The following KRT83 variants were observed in gnomAD, a reference collection of about 807,000 sequenced individuals.
The protein encoded by KRT83 is keratin, type II cuticular Hb3.
In KRT83, 51 loss-of-function variants were observed where a neutral mutation model predicts 52.9. The ratio of observed to expected loss-of-function variants is 0.96; its 90% CI spans 0.77 to 1.22. The LOEUF (loss-of-function observed/expected upper bound fraction) is 1.22, where lower values mean the gene tolerates loss of function less well. KRT83 is among the 50% of genes most tolerant of loss of function. The probability of loss-of-function intolerance (pLI) is 0.00; values close to 1 mark genes in which losing one functional copy is unlikely to be tolerated. For missense variants in KRT83, 654 were observed against 666.5 expected, an observed-to-expected ratio of 0.98 and a Z score of 0.21; for synonymous variants, 278 against 274.1, an observed-to-expected ratio of 1.01 and a Z score of -0.14.
In KRT83 at chr12:52,317,967, A is replaced by G. The variant is rs1429925433; in HGVS notation, c.597T>C (p.Tyr199=). The part of the protein sequence containing the change: ...QEVLEGYKKK[Y]EEEVALRATA... ...TGGCTCGAAGTGCTACTTCTTCTTC[A>G]TACCTGAGGTGAGCAGGGAGAACAG... is the stretch of plus-strand genomic sequence containing the variant. The change falls in exon 3 of 9, where the codon TAT becomes TAC. Residue 199 remains tyrosine, a synonymous_variant. Transcript: ENST00000293670. 3 of 1,613,682 alleles carry G rather than the reference A, an allele frequency of 1.9e-6. No homozygotes were observed. Among genetic ancestry groups the G allele is most frequent in the Non-Finnish European group, 2.5e-6 (3 of 1,179,880 alleles).
intron 3 of KRT83, 29 bp from the exon 4 acceptor site, chr12:52,317,805 C>A (rs781352531): frequency 6.2e-7 from 1 of 1,613,288 alleles, no homozygotes; most frequent in East Asian, 2.2e-5. Context: ...GCTGTGAGGC[C>A]GGCTTTCCTC....
At position 52,321,115 on chromosome 12, in the gene KRT83, C is replaced by A. The variant is rs773139403; in HGVS notation, c.221G>T (p.Gly74Val). ...CGRSFGYRSG[G>V]VCGPSPPCIT... Reference sequence around the variant, plus strand: ...GCATGGGGGGCTGGGTCCGCACACGCCCCCGGAGCGGTAGCCGAAGCTGCG... The same window carrying A: ...GCATGGGGGGCTGGGTCCGCACACGACCCCGGAGCGGTAGCCGAAGCTGCG... The change falls in exon 1 of 9, where the codon GGC becomes GTC. Residue 74 changes from glycine (G) to valine (V), a missense_variant. By Grantham distance (109) the Gly-to-Val change is moderately radical. Transcript: ENST00000293670. 4.3e-6 allele frequency: 7 copies of A among 1,612,334 alleles called. No homozygotes were observed. The highest frequency in any genetic ancestry group is 2.2e-5 in the South Asian group (2 of 91,004).
chr12:52,314,470 G>A lies in KRT83; in HGVS notation c.*161C>T. The A allele has an allele frequency of 1.4e-6, 1 of 718,434 alleles. No homozygotes were observed. Among genetic ancestry groups the A allele is most frequent in the Non-Finnish European group, 2.5e-6 (1 of 405,892 alleles). The allele number at this position is 718,434 out of a possible 1,614,324, so 44.5% of individuals were successfully genotyped here. On this transcript the variant is annotated 3_prime_UTR_variant, in exon 9 of 9. Coordinates refer to ENST00000293670, the MANE Select transcript of KRT83 (RefSeq NM_002282.3). ...CCCCAGCCACAGGCCCCTTTCCAGT[G>A]GGATGAAAGGTGGGGAGGAGCCGCT...
In KRT83 at chr12:52,316,667, AC is replaced by A. The variant is rs1938693115; in HGVS notation, c.916-75del. The stretch of plus-strand genomic sequence containing the variant: ...CATTCAGGACAGCTCAGATGATTGC[AC>A]AGATTGTGCAGTGCTCGGCCTGTGC... On this transcript the variant is annotated intron_variant, in intron 5 of 8. Coordinates refer to ENST00000293670, the MANE Select transcript of KRT83 (RefSeq NM_002282.3). 3.7e-6 allele frequency: 6 copies of A among 1,612,386 alleles called. No individual in the cohort carries two copies. In the East Asian group the frequency reaches 1.3e-4, roughly 36 times the overall value.
intron 2 of KRT83, 123 bp from the exon 3 acceptor site, chr12:52,318,093 G>T (rs539160604): frequency 5.6e-6 from 5 of 899,106 alleles, no homozygotes; most frequent in South Asian, 4.0e-5. Flanking sequence ...CAAGTGAAAT[G>T]GGTGGGGCTC....
intron 1 of KRT83, among the ~76,000 whole-genome samples, chr12:52,320,472 AG>A (rs1227568289): frequency 1.3e-5 from 2 of 152,206 alleles, no homozygotes; most frequent in Non-Finnish European, 2.9e-5. Flanking sequence ...CCTGAGCCCC[AG>A]GAACAGTGGC....
chr12:52,319,282 A>C lies in KRT83; in HGVS notation c.467T>G (p.Leu156Arg). The C allele has an allele frequency of 6.2e-7, 1 of 1,614,050 alleles. No homozygotes were observed. Among genetic ancestry groups the C allele is most frequent in the Non-Finnish European group, 8.5e-7 (1 of 1,179,938 alleles). The change falls in exon 2 of 9, where the codon CTG becomes CGG. Residue 156 changes from leucine (L) to arginine (R), a missense_variant. Transcript: ENST00000293670. ...GATGTAGCCAGCAAACAGGGGCTCC[A>C]GGTTACTCTGGCAGCACTCGCGGTT... is the stretch of plus-strand genomic sequence containing the variant. Reference protein sequence around the residue: ...YQNRECCQSNLEPLFAGYIET... With the variant: ...YQNRECCQSNREPLFAGYIET...
intron 5 of KRT83, 76 bp downstream of exon 5, chr12:52,316,783 A>C: frequency 6.2e-7 from 1 of 1,611,090 alleles, no homozygotes; most frequent in Non-Finnish European, 8.5e-7. Flanking sequence ...TCCCTAGACA[A>C]AGAAGCCTTT....
chr12:52,314,518 A>T lies in KRT83; in HGVS notation c.*113T>A. The T allele has an allele frequency of 2.0e-6, 2 of 986,172 alleles. No individual in the cohort carries two copies. Among genetic ancestry groups the T allele is most frequent in the Non-Finnish European group, 3.2e-6 (2 of 634,284 alleles). The allele number at this position is 986,172 out of a possible 1,614,324, so 61.1% of individuals were successfully genotyped here. Reference sequence around the variant, plus strand: ...GCTGGTGGGAATGAGCCGATGGTGTATTCTCAGAACACAAGGGGAAAAGCC... The same window carrying T: ...GCTGGTGGGAATGAGCCGATGGTGTTTTCTCAGAACACAAGGGGAAAAGCC... On this transcript the variant is annotated 3_prime_UTR_variant, in exon 9 of 9. Coordinates refer to ENST00000293670, the MANE Select transcript of KRT83 (RefSeq NM_002282.3).
At chr12:52,316,196 A>G in intron 6 of KRT83, 83 bp from the exon 7 acceptor site, 1 of 1,547,986 alleles carries the variant, frequency 6.5e-7, no homozygotes, top group Non-Finnish European at 8.8e-7. Flanking sequence ...GGATCATTCA[A>G]CTTCTATCTT....
rs769578632 is a variant in KRT83 at position 52,321,167 on chromosome 12, C to T, written c.169G>A (p.Gly57Arg). ...TGGFGSHSVC[G>R]GFRAGSCGRS... ...CCGCAGGAGCCGGCGCGGAAGCCCC[C>T]GCACACGCTGTGGCTGCCAAAGCCC... The change falls in exon 1 of 9, where the codon GGG (glycine) becomes AGG (arginine). Residue 57 changes from glycine to arginine, a missense_variant. By Grantham distance (125) the Gly-to-Arg change is moderately radical. Coordinates refer to ENST00000293670, the MANE Select transcript of KRT83 (RefSeq NM_002282.3). The T allele has an allele frequency of 5.6e-6, 9 of 1,612,556 alleles. No homozygotes were observed. In the Admixed American group the frequency reaches 1.2e-4, roughly 21 times the overall value.
intron 6 of KRT83, 148 bp from the exon 7 acceptor site, chr12:52,316,261 T>TACAC (rs71092759): frequency 1.5e-4 from 125 of 812,328 alleles, no homozygotes; most frequent in African/African-American, 3.9e-4. Context: ...TCACTTACAC[T>TACAC]ACACACACAC....
At position 52,316,864 on chromosome 12, in the gene KRT83, T is replaced by A. The variant is rs770757336; in HGVS notation, c.910A>T (p.Ser304Cys). 9.3e-6 allele frequency: 15 copies of A among 1,614,160 alleles called. No individual in the cohort carries two copies. In the East Asian group the frequency reaches 3.3e-4, roughly 36 times the overall value. ...SRAEAESWYR[S>C]KCEEMKATVI... is the part of the protein sequence containing the mutation. ...AGGTGTCCTGTGCCGCTCACCTTGC[T>A]GCGATACCAGGACTCGGCCTCAGCC... Residue 304 changes from serine to cysteine, a missense_variant, in exon 5 of 9, where the codon AGC becomes TGC. Coordinates refer to ENST00000293670, the MANE Select transcript of KRT83 (RefSeq NM_002282.3).
intron 5 of KRT83, 108 bp downstream of exon 5, chr12:52,316,751 T>C (rs982098905): frequency 1.2e-6 from 2 of 1,602,912 alleles, no homozygotes; most frequent in Non-Finnish European, 1.7e-6. Context: ...GGTTTTTCTC[T>C]TACCATCCTT....
At position 52,321,308 on chromosome 12, in the gene KRT83, A is replaced by C. The variant is rs749177729; in HGVS notation, c.28T>G (p.Cys10Gly). The change falls in exon 1 of 9, where the codon TGT becomes GGT. Residue 10 changes from cysteine to glycine, a missense_variant. Transcript: ENST00000293670. ...CTGAAGTTTCCAGGGCGGAACCCAC[A>C]GCCTATGGAGTTGAAGCCACAGGTC... MTCGFNSIG[C>G]GFRPGNFSCV... 1 of 1,613,700 alleles carries C rather than the reference A, an allele frequency of 6.2e-7. No homozygotes were observed. Among genetic ancestry groups the C allele is most frequent in the South Asian group, 1.1e-5 (1 of 91,092 alleles).
Position 52,318,064 on chromosome 12 carries a change from C to G in KRT83, c.594-94G>C, listed in dbSNP as rs189379116. Reference sequence around the variant, plus strand: ...AAGGAGTCTCTTTCCTAGACCTCCCCCTGCTTGTCTCCTGCCCCCAAGTGA... The same window carrying G: ...AAGGAGTCTCTTTCCTAGACCTCCCGCTGCTTGTCTCCTGCCCCCAAGTGA... On this transcript the variant is annotated intron_variant, in intron 2 of 8. Transcript: ENST00000293670. The G allele has an allele frequency of 1.2e-4, 134 of 1,154,706 alleles. No homozygotes were observed. The Middle Eastern group carries it at 1.4e-3, about 12-fold the overall frequency. The allele number at this position is 1,154,706 out of a possible 1,614,324, so 71.5% of individuals were successfully genotyped here. A position where few individuals can be genotyped will look rare whatever the true frequency, so the allele number is the denominator to read the frequency against.
At chr12:52,315,761 A>G (rs1938676423) in intron 7 of KRT83, 132 bp downstream of exon 7, 3 of 1,291,360 alleles carry the variant, frequency 2.3e-6, no homozygotes, top group South Asian at 2.5e-5. Flanking sequence ...GTTGAGAATG[A>G]GACAACTTGA....
Position 52,321,200 on chromosome 12 carries a change from G to C in KRT83, c.136C>G (p.Leu46Val). The C allele has an allele frequency of 1.9e-6, 3 of 1,613,196 alleles. No individual in the cohort carries two copies. The highest frequency in any genetic ancestry group is 2.5e-6 in the Non-Finnish European group (3 of 1,179,604). Residue 46 changes from leucine to valine, a missense_variant, in exon 1 of 9, where the codon CTC (leucine) becomes GTC (valine). Coordinates refer to ENST00000293670, the MANE Select transcript of KRT83 (RefSeq NM_002282.3). Reference sequence around the variant, plus strand: ...CTGTGGCTGCCAAAGCCCCCGGTGAGGCCGCGGTAGCAGGAGATGCCGCGG... The same window carrying C: ...CTGTGGCTGCCAAAGCCCCCGGTGACGCCGCGGTAGCAGGAGATGCCGCGG... ...PYRGISCYRG[L>V]TGGFGSHSVC...
In KRT83 at chr12:52,319,251, A is replaced by G. The variant is rs1381578648; in HGVS notation, c.498T>C (p.Thr166=). ...LEPLFAGYIE[T]LRREAECVEA... ...CCACGCACTCGGCCTCCCGCCGCAG[A>G]GTCTCGATGTAGCCAGCAAACAGGG... The change falls in exon 2 of 9, where the codon ACT becomes ACC. Residue 166 remains threonine, a synonymous_variant. Transcript: ENST00000293670. 2 of 1,613,834 alleles carry G rather than the reference A, an allele frequency of 1.2e-6. No homozygotes were observed. The highest frequency in any genetic ancestry group is 1.7e-6 in the Non-Finnish European group (2 of 1,179,944).
Sources: allele counts gnomAD v4.1 joint callset (sites outside exome capture counted in the v4.1 genomes callset), GRCh38; gene constraint gnomAD v4.1.1; transcripts MANE v1.5; gene names NCBI Gene and HGNC (gene_info 2026-07-23, HGNC 2026-07-21).